CEP57L1: variants seen among roughly 807,000 people sequenced by gnomAD.
The protein encoded by CEP57L1 is centrosomal protein 57 like 1.
A neutral mutation model predicts 61.0 loss-of-function variants in CEP57L1; 37 were observed. The observed-to-expected ratio is 0.61, with a 90% CI of 0.47 to 0.80. The LOEUF (loss-of-function observed/expected upper bound fraction) is 0.80. CEP57L1 is among the 30% of genes least tolerant of loss of function. The pLI is 0.00. For missense variants in CEP57L1, 422 were observed against 524.7 expected (o/e 0.80, Z 1.91); for synonymous variants, 137 against 162.3 (o/e 0.84, Z 1.19).
intron 1 of CEP57L1, among the ~76,000 whole-genome samples, chr6:109,101,292 A>AT (rs1782368855): frequency 6.6e-6 from 1 of 152,202 alleles, no homozygotes; most frequent in Non-Finnish European, 1.5e-5. Flanking sequence ...ATCATGCAGT[A>AT]TGTTGCCTTT....
At chr6:109,143,771 C>T (rs1771671653) in intron 1 of CEP57L1, among the ~76,000 whole-genome samples, 1 of 152,102 alleles carries the variant, frequency 6.6e-6, no homozygotes, top group Non-Finnish European at 1.5e-5. Flanking sequence ...TGTGTAGTGA[C>T]AAATAGCAAA....
At chr6:109,144,359 T>C (rs1006176846) in intron 1 of CEP57L1, among the ~76,000 whole-genome samples, 1 of 152,182 alleles carries the variant, frequency 6.6e-6, no homozygotes, top group African/African-American at 2.4e-5. Context: ...TGGATTTCCA[T>C]TTTGAAGCAA....
intron 5 of CEP57L1, among the ~76,000 whole-genome samples, chr6:109,154,852 G>A (rs956358158): frequency 5.3e-5 from 8 of 151,954 alleles, no homozygotes; most frequent in African/African-American, 1.9e-4. Flanking sequence ...TATGCAAATA[G>A]TAGAATTTTT....
Position 109,146,904 on chromosome 6 carries a change from C to G in CEP57L1, c.307C>G (p.Leu103Val). 1 of 1,608,792 alleles carries G rather than the reference C, an allele frequency of 6.2e-7. No individual in the cohort carries two copies. Residue 103 changes from leucine to valine, a missense_variant, in exon 3 of 11, where the codon CTG becomes GTG. Leu to Val is a conservative substitution (Grantham distance 32). Coordinates refer to ENST00000517392, the MANE Select transcript of CEP57L1 (RefSeq NM_001271852.3). Reference protein sequence around the residue: ...ALENETNERNLAHQELIKQKK... With the variant: ...ALENETNERNVAHQELIKQKK... Reference sequence around the variant, plus strand: ...AGAGAATGAAACAAATGAGAGAAATCTGGCACACCAGGAGCTGATAAAGCA... The same window carrying G: ...AGAGAATGAAACAAATGAGAGAAATGTGGCACACCAGGAGCTGATAAAGCA...
At position 109,163,256 on chromosome 6, in the gene CEP57L1, C is replaced by G; in HGVS notation, c.*286C>G. 1 of 255,036 alleles carries G rather than the reference C, an allele frequency of 3.9e-6. No individual in the cohort carries two copies. The allele number at this position is 255,036 out of a possible 1,614,324, so 15.8% of individuals were successfully genotyped here. A position where few individuals can be genotyped will look rare whatever the true frequency, so the allele number is the denominator to read the frequency against. ...CTTAAGCTAAATTTAAGAAATTGTA[C>G]TAGATTGACAATATTCAAAATTGAG... On this transcript the variant is annotated 3_prime_UTR_variant, in exon 11 of 11. Transcript: ENST00000517392.
At chr6:109,110,846 C>T (rs1003967178) in intron 1 of CEP57L1, among the ~76,000 whole-genome samples, 2 of 151,680 alleles carry the variant, frequency 1.3e-5, no homozygotes, top group East Asian at 1.9e-4. Flanking sequence ...AGATGTGTGG[C>T]GTTATTTCTG....
intron 1 of CEP57L1, among the ~76,000 whole-genome samples, chr6:109,096,081 A>G (rs530989209): frequency 1.3e-5 from 2 of 152,346 alleles, no homozygotes; most frequent in Admixed American, 1.3e-4. Context: ...AGGAAAAAGA[A>G]AGCAAAACCG....
At chr6:109,137,122 A>G (rs1433031306) in intron 1 of CEP57L1, among the ~76,000 whole-genome samples, 1 of 152,164 alleles carries the variant, frequency 6.6e-6, no homozygotes, top group Admixed American at 6.6e-5. Flanking sequence ...GAAGTATAGT[A>G]AAAACTCTGT....
intron 1 of CEP57L1, among the ~76,000 whole-genome samples, chr6:109,134,908 TAAA>T (rs1302664408): frequency 6.6e-6 from 1 of 152,060 alleles, no homozygotes; most frequent in East Asian, 1.9e-4. Context: ...TTAACGGAAT[TAAA>T]GAGGATACAA....
intron 1 of CEP57L1, among the ~76,000 whole-genome samples, chr6:109,137,126 ACT>A (rs1770833913): frequency 6.7e-6 from 1 of 149,270 alleles, no homozygotes; most frequent in South Asian, 2.1e-4. Flanking sequence ...TATAGTAAAA[ACT>A]CTGTTTTTAA....
In CEP57L1 at chr6:109,172,502, G is replaced by A. The variant is rs1774449652; in HGVS notation, c.*9532G>A. 2.0e-5 allele frequency among the ~76,000 whole-genome samples: 3 copies of A among 152,334 alleles called. No homozygotes were observed. The South Asian group carries it at 6.2e-4, about 32-fold the overall frequency. On this transcript the variant is annotated 3_prime_UTR_variant, in exon 11 of 11. Transcript: ENST00000517392. ...AGTCCAAGGACTTAGAGGTTATCTT[G>A]AATCTGGACACAGGACAAACATTTC...
In CEP57L1 at chr6:109,148,678, C is replaced by A. The variant is rs529172922; in HGVS notation, c.341-1440C>A. 5.4e-3 allele frequency among the ~76,000 whole-genome samples: 823 copies of A among 152,088 alleles called. 8 individuals carry two copies. The highest frequency in any genetic ancestry group is 0.019 in the African/African-American group (783 of 41,446). ...CAAATGGTATTTCTAGTTCTAGATC[C>A]CTGAGGAATCGCCACACTGACTTCC... On this transcript the variant is annotated intron_variant, in intron 3 of 10. Transcript: ENST00000517392.
intron 1 of CEP57L1, among the ~76,000 whole-genome samples, chr6:109,125,619 T>C (rs1292718715): frequency 6.6e-6 from 1 of 151,316 alleles, no homozygotes; most frequent in East Asian, 1.9e-4. Flanking sequence ...ACACACCTGC[T>C]GCTACTCGGG....
At chr6:109,133,361 AG>A (rs2114776514) in intron 1 of CEP57L1, among the ~76,000 whole-genome samples, 1 of 152,260 alleles carries the variant, frequency 6.6e-6, no homozygotes, top group South Asian at 2.1e-4. Context: ...AGTTCACAAT[AG>A]GGTTTGCGCT....
intron 1 of CEP57L1, among the ~76,000 whole-genome samples, chr6:109,122,657 C>G (rs1562520397): frequency 6.6e-6 from 1 of 151,992 alleles, no homozygotes; most frequent in Non-Finnish European, 1.5e-5. Flanking sequence ...AAAAAATTAG[C>G]CGGGCATGGT....
intron 1 of CEP57L1, among the ~76,000 whole-genome samples, chr6:109,130,419 T>C (rs1484180150): frequency 6.6e-6 from 1 of 152,182 alleles, no homozygotes; most frequent in African/African-American, 2.4e-5. Context: ...TTTCCTTCCT[T>C]TTTAAGGCTG....
chr6:109,150,577 G>T (rs1173665113), intron 4 of CEP57L1, among the ~76,000 whole-genome samples: 1 of 151,444 alleles, frequency 6.6e-6, no homozygotes, highest in Non-Finnish European at 1.5e-5. Flanking sequence ...CAGGAGAATC[G>T]CTTGAACCCG....
chr6:109,162,948 A>G lies in CEP57L1; in HGVS notation c.1361A>G (p.Asp454Gly), dbSNP rs531843965. The change falls in exon 11 of 11, where the codon GAT becomes GGT. Residue 454 changes from aspartate (D) to glycine (G), a missense_variant. Coordinates refer to ENST00000517392, the MANE Select transcript of CEP57L1 (RefSeq NM_001271852.3). ...AATCTTCAAATGAAATTGAGAAGAG[A>G]TGATATCATGTGGGAACAGTAACAA... ...VHNLQMKLRR[D>G]DIMWEQ 1.9e-6 allele frequency: 3 copies of G among 1,611,302 alleles called. No homozygotes were observed. Among genetic ancestry groups the G allele is most frequent in the Non-Finnish European group, 1.7e-6 (2 of 1,178,174 alleles).
In CEP57L1 at chr6:109,160,665, A is replaced by C; in HGVS notation, c.1110A>C (p.Lys370Asn). The C allele has an allele frequency of 6.2e-7, 1 of 1,609,298 alleles. No homozygotes were observed. Among genetic ancestry groups the C allele is most frequent in the Non-Finnish European group, 8.5e-7 (1 of 1,178,296 alleles). Residue 370 changes from lysine (K) to asparagine (N), a missense_variant, in exon 10 of 11, where the codon AAA becomes AAC. By Grantham distance (94) the Lys-to-Asn change is moderately conservative. Transcript: ENST00000517392. ...GTGAACTAGAGTGTTTACTCAAGAA[A>C]ATGGAAATTAAAGGAGAACAAATCT... ...IECELECLLK[K>N]MEIKGEQISK... is the part of the protein sequence containing the mutation.
Sources: gnomAD v4.1 joint callset for allele counts (sites outside exome capture counted in the v4.1 genomes callset) on GRCh38, gnomAD v4.1.1 for gene constraint, MANE v1.5 for transcripts, NCBI Gene and HGNC (gene_info 2026-07-23, HGNC 2026-07-21) for gene names.